DHRS12: variants seen among roughly 807,000 people sequenced by gnomAD.
DHRS12 encodes the protein dehydrogenase/reductase SDR family member 12.
DHRS12 carries 29 observed loss-of-function variants against 32.1 expected under a neutral mutation model. That is an observed-to-expected ratio of 0.90 (90% CI 0.67 to 1.23). The LOEUF (loss-of-function observed/expected upper bound fraction) is 1.23, where lower values mean the gene tolerates loss of function less well. DHRS12 is among the 50% of genes most tolerant of loss of function. The pLI is 0.00. For missense variants in DHRS12, 330 were observed against 337.2 expected, an observed-to-expected ratio of 0.98 and a Z score of 0.17; for synonymous variants, 150 against 135.9, an observed-to-expected ratio of 1.10 and a Z score of -0.72.
downstream of DHRS12, chr13:51,763,896 C>T (rs961500424): frequency 2.6e-5 from 4 of 152,206 alleles, no homozygotes; most frequent in African/African-American, 9.6e-5. Flanking sequence ...GTGTGGGTTG[C>T]AGTTACTGGA....
downstream of DHRS12, chr13:51,765,404 A>C (rs1953716239): frequency 6.6e-6 from 1 of 152,200 alleles, no homozygotes; most frequent in Non-Finnish European, 1.5e-5. Flanking sequence ...GATCGGTCCT[A>C]AATTGGAATG....
chr13:51,772,057 C>A, intron 6 of DHRS12, 146 bp from the exon 7 acceptor site: 1 of 737,698 alleles, frequency 1.4e-6, no homozygotes, highest in Non-Finnish European at 2.2e-6. Flanking sequence ...CCTCCAAAAT[C>A]AGTCTTTACT....
the DHRS12 span, chr13:51,758,046 G>A: frequency 4.8e-6 from 2 of 418,836 alleles, no homozygotes; most frequent in African/African-American, 2.0e-5. Context: ...TGGTCACCAG[G>A]GAATAAAGGC....
chr13:51,771,818 T>C lies in DHRS12; in HGVS notation c.559+3A>G, dbSNP rs751638184. 1.9e-6 allele frequency: 3 copies of C among 1,614,038 alleles called. No homozygotes were observed. Among genetic ancestry groups the C allele is most frequent in the Non-Finnish European group, 2.5e-6 (3 of 1,179,962 alleles). The stretch of plus-strand genomic sequence containing the variant: ...GGCTCAGCAATTAAAGGCTATGACA[T>C]ACCTGGGGTGTCGGCCCAGCCAGGA... On this transcript the variant is annotated splice_donor_region_variant and intron_variant, in intron 7 of 8. Transcript: ENST00000444610.
At chr13:51,759,826 CA>C in the DHRS12 span, 1 of 1,089,290 alleles carries the variant, frequency 9.2e-7, no homozygotes, top group Non-Finnish European at 1.3e-6. Flanking sequence ...TGTTTTAACC[CA>C]AATCATTACC....
intron 4 of DHRS12, among the ~76,000 whole-genome samples, chr13:51,778,563 C>T (rs1438120998): frequency 1.3e-5 from 2 of 152,166 alleles, no homozygotes; most frequent in Non-Finnish European, 2.9e-5. Context: ...CGATCTGCCG[C>T]ATCAGCTTGC....
At chr13:51,777,432 T>C (rs919787206) in intron 4 of DHRS12, 3 of 385,242 alleles carry the variant, frequency 7.8e-6, no homozygotes, top group South Asian at 3.8e-5. Flanking sequence ...AATGCATCTA[T>C]ATGTCCAGTC....
At position 51,804,069 on chromosome 13, in the gene DHRS12, A is replaced by G. The variant is rs770789938; in HGVS notation, c.-24T>C. ...GCCGCCTTACTTGGTGTACTCGCGCAGCCCCTTGGCGAACCACACGACGCT... is the reference window on the plus strand; with the variant it reads ...GCCGCCTTACTTGGTGTACTCGCGCGGCCCCTTGGCGAACCACACGACGCT... On this transcript the variant is annotated 5_prime_UTR_variant, in exon 1 of 9. Coordinates refer to ENST00000444610, the MANE Select transcript of DHRS12 (RefSeq NM_001377533.1). The G allele has an allele frequency of 1.1e-5, 17 of 1,489,014 alleles. No homozygotes were observed. In the South Asian group the frequency reaches 2.0e-4, roughly 18 times the overall value. The allele number at this position is 1,489,014 out of a possible 1,614,324, so 92.2% of individuals were successfully genotyped here. A position where few individuals can be genotyped will look rare whatever the true frequency, so the allele number is the denominator to read the frequency against.
At chr13:51,800,318 A>G (rs553978525) in intron 1 of DHRS12, among the ~76,000 whole-genome samples, 1 of 152,374 alleles carries the variant, frequency 6.6e-6, no homozygotes, top group East Asian at 1.9e-4. Flanking sequence ...GATTTGCACA[A>G]AGGCATCATA....
chr13:51,792,675 C>T (rs779494910), intron 2 of DHRS12, among the ~76,000 whole-genome samples: 2 of 152,094 alleles, frequency 1.3e-5, no homozygotes, highest in Non-Finnish European at 2.9e-5. Flanking sequence ...TCTGGGATTA[C>T]GGGCATGAGC....
At chr13:51,804,009 G>C (rs964924853) in intron 1 of DHRS12, 45 bp downstream of exon 1, 1 of 1,437,964 alleles carries the variant, frequency 7.0e-7, no homozygotes, top group African/African-American at 1.5e-5. Context: ...GCCGAGGCGG[G>C]CCACGTGACA....
rs114315988 is a variant in DHRS12 at position 51,790,230 on chromosome 13, T to C, written c.220-138A>G. 928 of 648,000 alleles carry C rather than the reference T, an allele frequency of 1.4e-3. 8 individuals carry two copies. The African/African-American group carries it at 0.016, about 11-fold the overall frequency. 40.1% of individuals were successfully genotyped at this position (648,000 alleles called of 1,614,324 possible). ...AATGACAATTTGCTCAACTGATTCT[T>C]TACTCCAAACCCTTTGCAGGAAAAT... On this transcript the variant is annotated intron_variant, in intron 3 of 8. Transcript: ENST00000444610.
chr13:51,772,367 G>A (rs1954068455), intron 6 of DHRS12, among the ~76,000 whole-genome samples: 1 of 152,150 alleles, frequency 6.6e-6, no homozygotes, highest in African/African-American at 2.4e-5. Flanking sequence ...GGTGGCTCAA[G>A]TCTGTAATCC....
chr13:51,794,516 C>A (rs1955424762), intron 2 of DHRS12, among the ~76,000 whole-genome samples: 1 of 152,168 alleles, frequency 6.6e-6, no homozygotes, highest in Non-Finnish European at 1.5e-5. Flanking sequence ...AGAGTCGAAA[C>A]CCGTTTTTTA....
intron 1 of DHRS12, among the ~76,000 whole-genome samples, chr13:51,802,027 T>C (rs1439613632): frequency 6.6e-6 from 1 of 152,228 alleles, no homozygotes; most frequent in Non-Finnish European, 1.5e-5. Context: ...TCCTCTGCCT[T>C]GGATCTTGCC....
At chr13:51,801,894 T>G (rs1216149276) in intron 1 of DHRS12, among the ~76,000 whole-genome samples, 1 of 152,176 alleles carries the variant, frequency 6.6e-6, no homozygotes, top group Non-Finnish European at 1.5e-5. Context: ...CTGATCCGTA[T>G]TAGAGACGAA....
intron 7 of DHRS12, chr13:51,770,745 T>C: frequency 1.0e-6 from 1 of 1,000,816 alleles, no homozygotes; most frequent in Non-Finnish European, 1.2e-6. Context: ...AGGGGTGTGG[T>C]AGTTACAAAA....
intron 6 of DHRS12, 87 bp downstream of exon 6, chr13:51,773,843 A>G (rs1389012419): frequency 1.8e-6 from 2 of 1,122,714 alleles, no homozygotes; most frequent in African/African-American, 3.1e-5. Context: ...GGTCCGATTA[A>G]TGTGCATCCC....
chr13:51,773,883 C>T (rs1245315991), intron 6 of DHRS12, 47 bp downstream of exon 6: 4 of 1,538,098 alleles, frequency 2.6e-6, no homozygotes, highest in Non-Finnish European at 3.6e-6. Flanking sequence ...AAAGGGCCCT[C>T]GCAGCCCGTG....
Sources: gnomAD v4.1 joint callset for allele counts (sites outside exome capture counted in the v4.1 genomes callset) on GRCh38, gnomAD v4.1.1 for gene constraint, MANE v1.5 for transcripts, NCBI Gene and HGNC (gene_info 2026-07-23, HGNC 2026-07-21) for gene names.